The following ATR variants were observed in gnomAD, a reference collection of about 807,000 sequenced individuals.
ATR encodes the protein serine/threonine-protein kinase ATR.
ATR carries 142 observed loss-of-function variants against 305.3 expected under a neutral mutation model. The observed-to-expected ratio is 0.47, with a 90% CI of 0.41 to 0.53. The LOEUF is 0.53. Among genes scored for constraint, ATR ranks in the 20% least tolerant of loss-of-function variants. The pLI is 0.00. For missense variants in ATR, 2,135 were observed against 3,133.1 expected (o/e 0.68, Z 7.60); for synonymous variants, 1,050 against 1,068.1 (o/e 0.98, Z 0.33).
chr3:142,475,689 G>T (rs1271471658), intron 36 of ATR, among the ~76,000 whole-genome samples: 1 of 152,192 alleles, frequency 6.6e-6, no homozygotes, highest in South Asian at 2.1e-4. Flanking sequence ...TTCCACAATG[G>T]TTGAACTAGT....
intron 36 of ATR, 147 bp downstream of exon 36, chr3:142,484,992 GA>G: frequency 8.2e-7 from 1 of 1,215,060 alleles, no homozygotes; most frequent in African/African-American, 1.5e-5. Flanking sequence ...TTGCATAAAG[GA>G]AAAATTTACA....
intron 3 of ATR, among the ~76,000 whole-genome samples, chr3:142,565,617 C>T (rs187103686): frequency 1.3e-5 from 2 of 151,186 alleles, no homozygotes; most frequent in Admixed American, 6.6e-5. Context: ...AAACTGAAGC[C>T]AGGCACAGTA....
rs557932996 is a variant in ATR at position 142,476,793 on chromosome 3, T to C, written c.6222-6610A>G. Among the ~76,000 whole-genome samples, 6 of 152,324 alleles carry C rather than the reference T, an allele frequency of 3.9e-5. No individual in the cohort carries two copies. The East Asian group carries it at 1.2e-3, about 29-fold the overall frequency. Reference sequence around the variant, plus strand: ...CTTGAGCAATGGTTTGTAGTTCTCCTTGAAGAGGTCCTTCACATCCCTTGT... The same window carrying C: ...CTTGAGCAATGGTTTGTAGTTCTCCCTGAAGAGGTCCTTCACATCCCTTGT... On this transcript the variant is annotated intron_variant, in intron 36 of 46. Coordinates refer to ENST00000350721, the MANE Select transcript of ATR (RefSeq NM_001184.4).
chr3:142,553,170 TG>T, intron 13 of ATR, 56 bp downstream of exon 13: 1 of 1,561,422 alleles, frequency 6.4e-7, no homozygotes, highest in Middle Eastern at 1.7e-4. Context: ...TCTTCTTTTT[TG>T]TAACTCTTAA....
intron 1 of ATR, among the ~76,000 whole-genome samples, chr3:142,568,402 C>A (rs2035144272): frequency 1.3e-5 from 2 of 152,208 alleles, no homozygotes; most frequent in Admixed American, 6.5e-5. Flanking sequence ...AATATGGTGG[C>A]CACTAGCTAC....
chr3:142,573,038 G>C (rs1310497892), intron 1 of ATR, among the ~76,000 whole-genome samples: 2 of 152,152 alleles, frequency 1.3e-5, no homozygotes, highest in African/African-American at 4.8e-5. Flanking sequence ...AGCTCTTATA[G>C]GAGAGAAAAT....
At chr3:142,517,799 T>C (rs997311010) in intron 24 of ATR, among the ~76,000 whole-genome samples, 4 of 152,202 alleles carry the variant, frequency 2.6e-5, no homozygotes, top group African/African-American at 4.8e-5. Flanking sequence ...AAGTATATGA[T>C]AGCCAACCTC....
At chr3:142,558,897 C>A in intron 7 of ATR, 121 bp from the exon 8 acceptor site, 1 of 1,034,164 alleles carries the variant, frequency 9.7e-7, no homozygotes, top group Non-Finnish European at 1.4e-6. Flanking sequence ...AAATTCTTAA[C>A]ACAGAGATCT....
chr3:142,510,467 GA>G (rs1269403394), intron 27 of ATR, among the ~76,000 whole-genome samples: 1 of 148,758 alleles, frequency 6.7e-6, no homozygotes, highest in Admixed American at 6.7e-5. Context: ...CTCAAAAAAA[GA>G]AAAAAAAATT....
Position 142,556,438 on chromosome 3 carries a change from A to T in ATR, c.2023T>A (p.Phe675Ile). 1.2e-6 allele frequency: 2 copies of T among 1,614,130 alleles called. No individual in the cohort carries two copies. The highest frequency in any genetic ancestry group is 1.7e-6 in the Non-Finnish European group (2 of 1,179,980). The change falls in exon 9 of 47, where the codon TTT (phenylalanine) becomes ATT (isoleucine). Residue 675 changes from phenylalanine to isoleucine, a missense_variant. This residue lies in a region of ATR where 744 missense variants were observed against 873.2 expected (regional missense o/e 0.85). Coordinates refer to ENST00000350721, the MANE Select transcript of ATR (RefSeq NM_001184.4). ...EVIRASCVSG[F>I]FILLQQQNSC... The stretch of plus-strand genomic sequence containing the variant: ...TTCTGCTGCTGCAATAAGATAAAAA[A>T]TCCACTAACACAACTAGCCCGGATT...
chr3:142,499,663 A>G lies in ATR; in HGVS notation c.5344T>C (p.Ser1782Pro). 1 of 1,614,154 alleles carries G rather than the reference A, an allele frequency of 6.2e-7. No homozygotes were observed. The highest frequency in any genetic ancestry group is 8.5e-7 in the Non-Finnish European group (1 of 1,179,998). Residue 1782 changes from serine (S) to proline (P), a missense_variant, in exon 31 of 47, where the codon TCA becomes CCA. Physicochemically the swap from Ser to Pro is moderately conservative, Grantham distance 74. This residue lies in a region of ATR where 117 missense variants were observed against 198.3 expected (regional missense o/e 0.59). Transcript: ENST00000350721. ...TYRVEAAWKL[S>P]QWDLVENYLA... ...TAGTTTTCCACCAAATCCCACTGTG[A>G]CAATTTCCAAGCTGCTTCCACTCTG...
intron 28 of ATR, among the ~76,000 whole-genome samples, chr3:142,507,463 T>C (rs1577592697): frequency 6.6e-6 from 1 of 152,342 alleles, no homozygotes; most frequent in Non-Finnish European, 1.5e-5. Flanking sequence ...TAAAATTCCA[T>C]TGTGACCATA....
chr3:142,562,137 T>A, intron 4 of ATR, 95 bp downstream of exon 4: 1 of 1,274,012 alleles, frequency 7.8e-7, no homozygotes, highest in South Asian at 1.4e-5. Context: ...CTATTAAAGA[T>A]ATTCTATTTT....
intron 46 of ATR, chr3:142,452,927 T>C: frequency 7.0e-7 from 1 of 1,423,356 alleles, no homozygotes. Flanking sequence ...ATTATACAAA[T>C]GCGAATACTG....
Position 142,558,796 on chromosome 3 carries a change from G to A in ATR, c.1733-20C>T, listed in dbSNP as rs1490255293. The A allele has an allele frequency of 6.3e-7, 1 of 1,588,482 alleles. No homozygotes were observed. Among genetic ancestry groups the A allele is most frequent in the Non-Finnish European group, 8.6e-7 (1 of 1,160,296 alleles). On this transcript the variant is annotated intron_variant, in intron 7 of 46. Transcript: ENST00000350721. ...TGTTTACTACAGAAGCACAAAATAA[G>A]TCATTAATTATAACTTTTCCTTAAT...
rs55895932 is a variant in ATR at position 142,553,915 on chromosome 3, T to C, written c.2442A>G (p.Glu814=). The C allele has an allele frequency of 7.8e-3, 12,641 of 1,612,650 alleles. 866 individuals carry two copies. In the African/African-American group the frequency reaches 0.15, roughly 19 times the overall value. Residue 814 remains glutamate, a synonymous_variant, in exon 11 of 47, where the codon GAA becomes GAG. Coordinates refer to ENST00000350721, the MANE Select transcript of ATR (RefSeq NM_001184.4). ...AVLGTLLNLM[E]DPDKDVRVAF... is the part of the protein sequence containing the mutation. Reference sequence around the variant, plus strand: ...CCACTCTAACATCTTTGTCTGGATCTTCCATTAAATTTAATAAAGTTCCAA... The same window carrying C: ...CCACTCTAACATCTTTGTCTGGATCCTCCATTAAATTTAATAAAGTTCCAA...
At position 142,467,970 on chromosome 3, in the gene ATR, G is replaced by A. The variant is rs2108275884; in HGVS notation, c.6651C>T (p.Arg2217=). Residue 2217 remains arginine, a synonymous_variant, in exon 39 of 47, where the codon CGC becomes CGT. Transcript: ENST00000350721. ...SLEKFVGDAT[R]LTDKLLELCN... is the part of the protein sequence containing the mutation. ...ACAATTCTAGAAGCTTATCTGTTAGGCGAGTTGCATCTCCAACAAACTTCT... is the reference window on the plus strand; with the variant it reads ...ACAATTCTAGAAGCTTATCTGTTAGACGAGTTGCATCTCCAACAAACTTCT... The A allele has an allele frequency of 1.2e-6, 2 of 1,612,932 alleles. No homozygotes were observed. The highest frequency in any genetic ancestry group is 1.7e-6 in the Non-Finnish European group (2 of 1,179,476).
chr3:142,529,485 G>A, intron 21 of ATR, among the ~76,000 whole-genome samples: 2 of 152,006 alleles, frequency 1.3e-5, no homozygotes, highest in Admixed American at 1.3e-4. Flanking sequence ...TTGCCCTATT[G>A]TTGTTTTAGT....
intron 21 of ATR, among the ~76,000 whole-genome samples, chr3:142,530,926 G>T (rs2108414541): frequency 6.6e-6 from 1 of 152,190 alleles, no homozygotes; most frequent in Admixed American, 6.5e-5. Context: ...CTTTCTGTTG[G>T]TGATTTTCTC....
Sources: allele counts gnomAD v4.1 joint callset (sites outside exome capture counted in the v4.1 genomes callset), GRCh38; gene constraint gnomAD v4.1.1; regional missense constraint gnomAD v4.1.1; transcripts MANE v1.5; gene names NCBI Gene and HGNC (gene_info 2026-07-23, HGNC 2026-07-21).